Variants in SBF2 observed in about 807,000 individuals in gnomAD.
SBF2 encodes the protein myotubularin-related protein 13.
SBF2 carries 112 observed loss-of-function variants against 225.2 expected under a neutral mutation model. The observed-to-expected ratio is 0.50, with a 90% CI of 0.43 to 0.58. SBF2 has a LOEUF of 0.58. Among genes scored for constraint, SBF2 ranks in the 20% least tolerant of loss-of-function variants. SBF2 has a pLI of 0.00. For synonymous variants in SBF2, 763 were observed against 773.3 expected, an observed-to-expected ratio of 0.99 and a Z score of 0.22; for missense variants, 1,996 against 2,206.2, an observed-to-expected ratio of 0.90 and a Z score of 1.91.
chr11:9,857,008 C>T (rs1036323198), intron 18 of SBF2, among the ~76,000 whole-genome samples: 1 of 152,080 alleles, frequency 6.6e-6, no homozygotes, highest in East Asian at 1.9e-4. Flanking sequence ...AGGATGGTCT[C>T]GATCTCCTGA....
At chr11:9,887,513 G>A (rs921665125) in intron 17 of SBF2, among the ~76,000 whole-genome samples, 2 of 152,066 alleles carry the variant, frequency 1.3e-5, no homozygotes, top group Non-Finnish European at 2.9e-5. Flanking sequence ...TGCTGAAAGG[G>A]AAGAGGAGGA....
intron 2 of SBF2, among the ~76,000 whole-genome samples, chr11:10,127,242 T>C (rs531426260): frequency 2.0e-5 from 3 of 152,222 alleles, no homozygotes; most frequent in Admixed American, 1.3e-4. Flanking sequence ...AAATACAGAT[T>C]CCTTACTACC....
chr11:9,902,827 G>A (rs975768780), intron 16 of SBF2, among the ~76,000 whole-genome samples: 3 of 152,074 alleles, frequency 2.0e-5, no homozygotes, highest in Non-Finnish European at 2.9e-5. Context: ...GGAGTGGATT[G>A]GAGTTAGATT....
intron 2 of SBF2, among the ~76,000 whole-genome samples, chr11:10,178,458 A>G (rs984705114): frequency 6.9e-6 from 1 of 145,734 alleles, no homozygotes; most frequent in African/African-American, 2.6e-5. Flanking sequence ...ACAAAGGGCT[A>G]ATATCCAGAA....
intron 2 of SBF2, among the ~76,000 whole-genome samples, chr11:10,087,128 C>A (rs759075570): frequency 1.3e-5 from 2 of 151,936 alleles, no homozygotes; most frequent in African/African-American, 4.8e-5. Flanking sequence ...TTGTGTAGGT[C>A]GGACCTTGCA....
intron 1 of SBF2, among the ~76,000 whole-genome samples, chr11:10,273,989 C>T (rs895491204): frequency 6.6e-6 from 1 of 152,208 alleles, no homozygotes; most frequent in Admixed American, 6.5e-5. Context: ...GGAAACTATA[C>T]CTTGCAAACC....
intron 17 of SBF2, among the ~76,000 whole-genome samples, chr11:9,885,049 G>A (rs188104491): frequency 4.0e-5 from 6 of 151,898 alleles, no homozygotes; most frequent in East Asian, 3.9e-4. Context: ...TCAGGAGTTC[G>A]AGACTAGCCT....
intron 17 of SBF2, among the ~76,000 whole-genome samples, chr11:9,871,862 C>G (rs1166440073): frequency 2.0e-5 from 3 of 152,064 alleles, no homozygotes; most frequent in Non-Finnish European, 4.4e-5. Context: ...CACTTTTACA[C>G]TGTTGGTGGG....
At chr11:10,052,113 A>G (rs1245442149) in intron 2 of SBF2, among the ~76,000 whole-genome samples, 1 of 151,988 alleles carries the variant, frequency 6.6e-6, no homozygotes, top group South Asian at 2.1e-4. Flanking sequence ...CAAACAGGAT[A>G]AAAATCAGGA....
chr11:10,109,667 C>T (rs530716622), intron 2 of SBF2, among the ~76,000 whole-genome samples: 91 of 152,172 alleles, frequency 6.0e-4, no homozygotes, highest in Middle Eastern at 3.4e-3. Context: ...ATGGACTCAA[C>T]GAAGTAAGAT....
chr11:9,789,459 A>G, intron 34 of SBF2, 117 bp from the exon 35 acceptor site: 1 of 686,578 alleles, frequency 1.5e-6, no homozygotes, highest in Non-Finnish European at 2.6e-6. Context: ...AATGGAGTTC[A>G]AATACCATAT....
At chr11:10,209,941 T>C (rs1030546949) in intron 1 of SBF2, among the ~76,000 whole-genome samples, 4 of 152,180 alleles carry the variant, frequency 2.6e-5, no homozygotes, top group African/African-American at 9.6e-5. Flanking sequence ...GTTTAGACCC[T>C]TGTTCTCATG....
intron 10 of SBF2, among the ~76,000 whole-genome samples, chr11:9,993,313 G>C (rs535338472): frequency 6.6e-6 from 1 of 152,244 alleles, no homozygotes; most frequent in East Asian, 1.9e-4. Flanking sequence ...GAACTGTAAG[G>C]AAACTTACAG....
At chr11:9,931,587 C>A (rs1364993362) in intron 16 of SBF2, among the ~76,000 whole-genome samples, 1 of 151,298 alleles carries the variant, frequency 6.6e-6, no homozygotes, top group Non-Finnish European at 1.5e-5. Flanking sequence ...GCACCAACAT[C>A]AACAAAAAGG....
chr11:10,185,116 G>A (rs1228717189), intron 2 of SBF2, among the ~76,000 whole-genome samples: 1 of 150,778 alleles, frequency 6.6e-6, no homozygotes, highest in Admixed American at 6.6e-5. Context: ...TTCTGGGGGG[G>A]GGTGTGTGTG....
chr11:9,822,805 T>C (rs1357266624), intron 28 of SBF2, among the ~76,000 whole-genome samples: 1 of 152,204 alleles, frequency 6.6e-6, no homozygotes, highest in African/African-American at 2.4e-5. Flanking sequence ...ATCACTGTGA[T>C]CTTATACCTG....
intron 2 of SBF2, among the ~76,000 whole-genome samples, chr11:10,074,504 C>T (rs1951020084): frequency 6.6e-6 from 1 of 152,160 alleles, no homozygotes; most frequent in Non-Finnish European, 1.5e-5. Context: ...GACTGACTGA[C>T]TTTTCATTCT....
At chr11:9,888,162 G>C (rs531374586) in intron 17 of SBF2, among the ~76,000 whole-genome samples, 1 of 152,234 alleles carries the variant, frequency 6.6e-6, no homozygotes, top group Middle Eastern at 3.4e-3. Flanking sequence ...AAATACAAAA[G>C]TGTATTTAGT....
chr11:9,888,822 G>C (rs141065690), intron 17 of SBF2, among the ~76,000 whole-genome samples: 264 of 152,282 alleles, frequency 1.7e-3, no homozygotes, highest in African/African-American at 5.9e-3. Context: ...GTCCTGTTCT[G>C]ACATTTACTA....
Sources: gnomAD v4.1 joint callset for allele counts (sites outside exome capture counted in the v4.1 genomes callset) on GRCh38, gnomAD v4.1.1 for gene constraint, MANE v1.5 for transcripts, NCBI Gene and HGNC (gene_info 2026-07-23, HGNC 2026-07-21) for gene names.